B3GNT2: variants seen among roughly 807,000 people sequenced by gnomAD.
B3GNT2 encodes the protein N-acetyllactosaminide beta-1,3-N-acetylglucosaminyltransferase 2.
Under a neutral mutation model 27.6 loss-of-function variants are expected in B3GNT2, and 12 were observed. The observed-to-expected ratio is 0.44, with a 90% confidence interval of 0.28 to 0.71. The LOEUF is 0.71. Among genes scored for constraint, B3GNT2 ranks in the 30% least tolerant of loss-of-function variants. The probability of loss-of-function intolerance (pLI) is 0.17; values close to 1 mark genes in which losing one functional copy is unlikely to be tolerated. For missense variants in B3GNT2, 413 were observed against 488.5 expected (o/e 0.85, Z 1.46); for synonymous variants, 192 against 189.7 (o/e 1.01, Z -0.10).
rs1372174021 is a variant in B3GNT2 at position 62,223,773 on chromosome 2, T to C, written c.*359T>C. ...CTACTTCCCATAATAATGACTGATT[T>C]ATTTGTAATTCAGGTATTTATAAAC... On this transcript the variant is annotated 3_prime_UTR_variant, in exon 2 of 2. Transcript: ENST00000301998. The C allele has an allele frequency of 5.4e-6, 1 of 184,900 alleles. No homozygotes were observed. The highest frequency in any genetic ancestry group is 1.3e-5 in the Non-Finnish European group (1 of 79,652). 11.5% of individuals were successfully genotyped at this position (184,900 alleles called of 1,614,324 possible).
Position 62,222,132 on chromosome 2 carries a change from G to A in B3GNT2, c.-9-80G>A, listed in dbSNP as rs922044523. The A allele has an allele frequency of 7.9e-7, 1 of 1,259,374 alleles. No individual in the cohort carries two copies. The highest frequency in any genetic ancestry group is 1.5e-5 in the African/African-American group (1 of 65,918). 78.0% of individuals were successfully genotyped at this position (1,259,374 alleles called of 1,614,324 possible). A position where few individuals can be genotyped will look rare whatever the true frequency, so the allele number is the denominator to read the frequency against. On this transcript the variant is annotated intron_variant, in intron 1 of 1. Coordinates refer to ENST00000301998, the MANE Select transcript of B3GNT2 (RefSeq NM_006577.6). The surrounding 1 kb of genome is among the most constrained non-coding windows in gnomAD (Gnocchi z 4.2). Reference sequence around the variant, plus strand: ...GTCTTTGCTGTAAACCACTATTCCTGGGGAGACAGGTAAAATAAATTGTAT... The same window carrying A: ...GTCTTTGCTGTAAACCACTATTCCTAGGGAGACAGGTAAAATAAATTGTAT...
intron 1 of B3GNT2, among the ~76,000 whole-genome samples, chr2:62,211,489 C>T (rs961440999): frequency 2.0e-5 from 3 of 152,120 alleles, no homozygotes; most frequent in Admixed American, 6.5e-5. Context: ...ATTAAGTCTT[C>T]GGGACAACAA....
intron 1 of B3GNT2, among the ~76,000 whole-genome samples, chr2:62,216,237 C>T (rs1045551217): frequency 3.3e-5 from 5 of 151,902 alleles, no homozygotes; most frequent in African/African-American, 1.2e-4. Context: ...ATGAGTGAAA[C>T]GTTGGAATTG....
At position 62,224,516 on chromosome 2, in the gene B3GNT2, G is replaced by A. The variant is rs1674785514; in HGVS notation, c.*1102G>A. 1.2e-5 allele frequency: 2 copies of A among 167,038 alleles called. No individual in the cohort carries two copies. The highest frequency in any genetic ancestry group is 2.9e-5 in the Non-Finnish European group (2 of 68,088). 10.3% of individuals were successfully genotyped at this position (167,038 alleles called of 1,614,324 possible). A position where few individuals can be genotyped will look rare whatever the true frequency, so the allele number is the denominator to read the frequency against. ...AGCATGATATTTTAAATGTTAAGGT[G>A]TAACATATGTTAAATAAAACTGTTA... On this transcript the variant is annotated 3_prime_UTR_variant, in exon 2 of 2. Coordinates refer to ENST00000301998, the MANE Select transcript of B3GNT2 (RefSeq NM_006577.6).
intron 1 of B3GNT2, among the ~76,000 whole-genome samples, chr2:62,200,449 G>C (rs1674244917): frequency 6.6e-6 from 1 of 152,096 alleles, no homozygotes; most frequent in African/African-American, 2.4e-5. Flanking sequence ...CAGAATGTTT[G>C]AAAAAAATGA....
rs975785813 is a variant in B3GNT2 at position 62,224,541 on chromosome 2, A to G, written c.*1127A>G. The G allele has an allele frequency of 6.0e-6, 1 of 167,038 alleles. No homozygotes were observed. The highest frequency in any genetic ancestry group is 2.4e-5 in the African/African-American group (1 of 41,438). The allele number at this position is 167,038 out of a possible 1,614,324, so 10.3% of individuals were successfully genotyped here. A position where few individuals can be genotyped will look rare whatever the true frequency, so the allele number is the denominator to read the frequency against. ...GTAACATATGTTAAATAAAACTGTT[A>G]TTTTTGAATTTTAAAATTTGTTTTT... On this transcript the variant is annotated 3_prime_UTR_variant, in exon 2 of 2. Coordinates refer to ENST00000301998, the MANE Select transcript of B3GNT2 (RefSeq NM_006577.6).
chr2:62,201,581 A>T (rs1674265422), intron 1 of B3GNT2, among the ~76,000 whole-genome samples: 1 of 152,232 alleles, frequency 6.6e-6, no homozygotes, highest in Non-Finnish European at 1.5e-5. Context: ...CCATGGCCTC[A>T]TGTCTCCTTA....
Position 62,223,158 on chromosome 2 carries a change from G to A in B3GNT2, c.938G>A (p.Gly313Asp), listed in dbSNP as rs967532850. The change falls in exon 2 of 2, where the codon GGC becomes GAC. Residue 313 changes from glycine to aspartate, a missense_variant. By Grantham distance (94) the Gly-to-Asp change is moderately conservative. Coordinates refer to ENST00000301998, the MANE Select transcript of B3GNT2 (RefSeq NM_006577.6). ...GGGGGAGGGGGGTTCCTCTACTCCGGCCACCTGGCCCTGAGGCTGTACCAT... is the reference window on the plus strand; with the variant it reads ...GGGGGAGGGGGGTTCCTCTACTCCGACCACCTGGCCCTGAGGCTGTACCAT... ...YAGGGGFLYS[G>D]HLALRLYHIT... 1 of 1,614,154 alleles carries A rather than the reference G, an allele frequency of 6.2e-7. No individual in the cohort carries two copies. Among genetic ancestry groups the A allele is most frequent in the South Asian group, 1.1e-5 (1 of 91,082 alleles).
At chr2:62,216,585 G>A (rs747981687) in intron 1 of B3GNT2, among the ~76,000 whole-genome samples, 38 of 151,674 alleles carry the variant, frequency 2.5e-4, no homozygotes, top group Non-Finnish European at 5.0e-4. Context: ...TTTTTTTAAT[G>A]TAGACATGGG....
At position 62,223,115 on chromosome 2, in the gene B3GNT2, C is replaced by T. The variant is rs545005673; in HGVS notation, c.895C>T (p.Leu299Phe). ...YYIPEVVYSGLYPPYAGGGGF... is the reference protein window; with the variant it reads ...YYIPEVVYSGFYPPYAGGGGF... Reference sequence around the variant, plus strand: ...CATCCCAGAAGTTGTTTACTCTGGCCTCTACCCACCCTATGCAGGGGGAGG... The same window carrying T: ...CATCCCAGAAGTTGTTTACTCTGGCTTCTACCCACCCTATGCAGGGGGAGG... The change falls in exon 2 of 2, where the codon CTC (leucine) becomes TTC (phenylalanine). Residue 299 changes from leucine to phenylalanine, a missense_variant. Leu to Phe is a conservative substitution (Grantham distance 22). Transcript: ENST00000301998. 1.2e-6 allele frequency: 2 copies of T among 1,614,204 alleles called. No individual in the cohort carries two copies. Among genetic ancestry groups the T allele is most frequent in the South Asian group, 1.1e-5 (1 of 91,074 alleles).
At position 62,211,906 on chromosome 2, in the gene B3GNT2, G is replaced by A. The variant is rs73932776; in HGVS notation, c.-9-10306G>A. On this transcript the variant is annotated intron_variant, in intron 1 of 1. Coordinates refer to ENST00000301998, the MANE Select transcript of B3GNT2 (RefSeq NM_006577.6). ...CTGCTGTTGACTAAAGGGCTGTCACGTATTTATTATCTCTGCCAATTCAGT... is the reference window on the plus strand; with the variant it reads ...CTGCTGTTGACTAAAGGGCTGTCACATATTTATTATCTCTGCCAATTCAGT... Among the ~76,000 whole-genome samples, 476 of 152,272 alleles carry A rather than the reference G, an allele frequency of 3.1e-3. 1 individual carries two copies. Among genetic ancestry groups the A allele is most frequent in the African/African-American group, 0.01 (428 of 41,528 alleles).
chr2:62,210,314 C>T (rs1223594632), intron 1 of B3GNT2, among the ~76,000 whole-genome samples: 2 of 152,104 alleles, frequency 1.3e-5, no homozygotes, highest in Admixed American at 6.5e-5. Context: ...AAACTAATTG[C>T]CTCACATTTT....
rs1481004940 is a variant in B3GNT2 at position 62,222,828 on chromosome 2, A to C, written c.608A>C (p.Glu203Ala). The C allele has an allele frequency of 1.2e-6, 2 of 1,614,078 alleles. No homozygotes were observed. Among genetic ancestry groups the C allele is most frequent in the Non-Finnish European group, 1.7e-6 (2 of 1,180,050 alleles). The change falls in exon 2 of 2, where the codon GAG becomes GCG. Residue 203 changes from glutamate (E) to alanine (A), a missense_variant. Transcript: ENST00000301998. The surrounding 1 kb of genome is among the most constrained non-coding windows in gnomAD (Gnocchi z 4.2). ...DLSDMLKFES[E>A]KHQDILMWNY... ...TCAGATATGCTGAAATTTGAGAGTG[A>C]GAAGCACCAAGACATTCTTATGTGG...
At chr2:62,221,298 A>G (rs1047855949) in intron 1 of B3GNT2, among the ~76,000 whole-genome samples, 1 of 152,182 alleles carries the variant, frequency 6.6e-6, no homozygotes, top group South Asian at 2.1e-4. Flanking sequence ...CAGTTTGATC[A>G]TCTGTTCTGT....
intron 1 of B3GNT2, among the ~76,000 whole-genome samples, chr2:62,201,282 T>G (rs1001592247): frequency 1.3e-5 from 2 of 152,244 alleles, no homozygotes; most frequent in Non-Finnish European, 2.9e-5. Context: ...CTAAAGACAG[T>G]CATTGAAATG....
intron 1 of B3GNT2, among the ~76,000 whole-genome samples, chr2:62,220,646 G>T (rs1674672135): frequency 6.6e-6 from 1 of 152,148 alleles, no homozygotes; most frequent in East Asian, 1.9e-4. Context: ...TGCCTTGGCT[G>T]GTATTCCAGT....
At chr2:62,215,363 C>A (rs1022823330) in intron 1 of B3GNT2, among the ~76,000 whole-genome samples, 2 of 152,130 alleles carry the variant, frequency 1.3e-5, no homozygotes, top group Admixed American at 1.3e-4. Flanking sequence ...TCCTGAGGCT[C>A]CCTTGCCCCG....
chr2:62,220,260 A>G (rs1340448733), intron 1 of B3GNT2, among the ~76,000 whole-genome samples: 1 of 152,238 alleles, frequency 6.6e-6, no homozygotes, highest in African/African-American at 2.4e-5. Flanking sequence ...ATGAGTGGAG[A>G]CAGCTAGCCT....
At position 62,196,841 on chromosome 2, in the gene B3GNT2, G is replaced by A. The variant is rs567222631; in HGVS notation, c.-10+486G>A. Among the ~76,000 whole-genome samples, 11 of 151,858 alleles carry A rather than the reference G, an allele frequency of 7.2e-5. No individual in the cohort carries two copies. In the East Asian group the frequency reaches 2.1e-3, roughly 30 times the overall value. ...GGGGGGCGCGCGTGATTCCTCGCTC[G>A]CACCCCCGCACCCCACCCTCGCACT... On this transcript the variant is annotated intron_variant, in intron 1 of 1. Coordinates refer to ENST00000301998, the MANE Select transcript of B3GNT2 (RefSeq NM_006577.6).
Sources: gnomAD v4.1 joint callset for allele counts (sites outside exome capture counted in the v4.1 genomes callset) on GRCh38, gnomAD v4.1.1 for gene constraint, Gnocchi (gnomAD v3.1) non-coding constraint, MANE v1.5 for transcripts, NCBI Gene and HGNC (gene_info 2026-07-23, HGNC 2026-07-21) for gene names.